The following SCHIP1 variants were observed in gnomAD, a reference collection of about 807,000 sequenced individuals.
SCHIP1 encodes schwannomin-interacting protein 1.
SCHIP1 carries 8 observed loss-of-function variants against 29.7 expected under a neutral mutation model. The observed-to-expected ratio is 0.27, with a 90% CI of 0.16 to 0.49. The LOEUF (loss-of-function observed/expected upper bound fraction) is 0.49. Among genes scored for constraint, SCHIP1 ranks in the 20% least tolerant of loss-of-function variants. SCHIP1 has a pLI of 0.99. For synonymous variants in SCHIP1, 76 were observed against 94.9 expected, an observed-to-expected ratio of 0.80 and a Z score of 1.16; for missense variants, 193 against 294.6, an observed-to-expected ratio of 0.66 and a Z score of 2.52.
At chr3:159,752,187 C>T in the SCHIP1 span, among the ~76,000 whole-genome samples, 1 of 152,082 alleles carries the variant, frequency 6.6e-6, no homozygotes, top group Non-Finnish European at 1.5e-5. Context: ...GCCAAATAAA[C>T]CTCTTTTCTT....
the SCHIP1 span, among the ~76,000 whole-genome samples, chr3:159,379,626 G>A: frequency 6.9e-6 from 1 of 144,850 alleles, no homozygotes; most frequent in African/African-American, 2.6e-5. Flanking sequence ...ACCCCTATTA[G>A]TGTGCAACAC....
chr3:159,408,295 C>G, the SCHIP1 span, among the ~76,000 whole-genome samples: 1 of 151,000 alleles, frequency 6.6e-6, no homozygotes, highest in African/African-American at 2.4e-5. Context: ...AAGACTCTAT[C>G]TCAAAATAAT....
chr3:159,430,693 A>C, the SCHIP1 span, among the ~76,000 whole-genome samples: 1 of 152,176 alleles, frequency 6.6e-6, no homozygotes, highest in Non-Finnish European at 1.5e-5. Flanking sequence ...AAATGACTAA[A>C]GAAAAATAAA....
chr3:159,544,515 T>G, the SCHIP1 span, among the ~76,000 whole-genome samples: 1 of 152,134 alleles, frequency 6.6e-6, no homozygotes, highest in East Asian at 1.9e-4. Flanking sequence ...TGTTGCTTAA[T>G]ATCATTGTAC....
the SCHIP1 span, among the ~76,000 whole-genome samples, chr3:159,791,568 CTA>C: frequency 6.6e-6 from 1 of 152,172 alleles, no homozygotes; most frequent in African/African-American, 2.4e-5. Context: ...GAGGGGTGTC[CTA>C]CAGGAGTTGG....
At chr3:159,441,354 C>T in the SCHIP1 span, among the ~76,000 whole-genome samples, 7 of 152,108 alleles carry the variant, frequency 4.6e-5, no homozygotes, top group South Asian at 6.2e-4. Flanking sequence ...TGAATACTGT[C>T]TTCAGACTCT....
At chr3:159,758,572 A>C in the SCHIP1 span, among the ~76,000 whole-genome samples, 2 of 152,238 alleles carry the variant, frequency 1.3e-5, no homozygotes, top group African/African-American at 4.8e-5. Flanking sequence ...ATCTAATCTG[A>C]GGAATGACTT....
At chr3:159,506,803 T>G in the SCHIP1 span, among the ~76,000 whole-genome samples, 1 of 152,172 alleles carries the variant, frequency 6.6e-6, no homozygotes, top group Non-Finnish European at 1.5e-5. Flanking sequence ...TTCTGAGGGT[T>G]CTGTTCTGTT....
the SCHIP1 span, among the ~76,000 whole-genome samples, chr3:159,357,947 CT>C: frequency 3.3e-5 from 5 of 152,204 alleles, no homozygotes; most frequent in African/African-American, 1.2e-4. Flanking sequence ...TAAAGAACAG[CT>C]GATTCTGCCC....
At chr3:159,355,027 G>A in the SCHIP1 span, among the ~76,000 whole-genome samples, 92 of 152,190 alleles carry the variant, frequency 6.0e-4, no homozygotes, top group African/African-American at 2.2e-3. Context: ...ATTTATTGAC[G>A]AAGCATTTTC....
the SCHIP1 span, among the ~76,000 whole-genome samples, chr3:159,408,530 T>A: frequency 2.0e-5 from 3 of 152,100 alleles, no homozygotes; most frequent in African/African-American, 7.2e-5. Context: ...CCTTAGAGGC[T>A]ACTATAATCA....
At chr3:159,687,448 C>A in the SCHIP1 span, among the ~76,000 whole-genome samples, 1 of 152,090 alleles carries the variant, frequency 6.6e-6, no homozygotes, top group African/African-American at 2.4e-5. Flanking sequence ...AAACTCTATG[C>A]TCTGAGACCT....
chr3:159,446,959 A>G, the SCHIP1 span, among the ~76,000 whole-genome samples: 2 of 152,192 alleles, frequency 1.3e-5, no homozygotes, highest in Non-Finnish European at 2.9e-5. Context: ...TTGCAATACA[A>G]CTTATACATG....
the SCHIP1 span, among the ~76,000 whole-genome samples, chr3:159,495,747 G>GA: frequency 6.6e-6 from 1 of 152,086 alleles, no homozygotes; most frequent in African/African-American, 2.4e-5. Context: ...CACAGAATTG[G>GA]AAAAAACTAC....
the SCHIP1 span, among the ~76,000 whole-genome samples, chr3:159,286,433 A>G: frequency 1.3e-5 from 2 of 152,178 alleles, no homozygotes; most frequent in Non-Finnish European, 2.9e-5. Context: ...TTAGTATTCC[A>G]TGGTGTATAT....
At chr3:159,689,715 T>C in the SCHIP1 span, among the ~76,000 whole-genome samples, 2 of 152,218 alleles carry the variant, frequency 1.3e-5, no homozygotes, top group Non-Finnish European at 2.9e-5. Context: ...GCCCATTCAG[T>C]ATGATATTGG....
the SCHIP1 span, among the ~76,000 whole-genome samples, chr3:159,613,812 T>C: frequency 2.6e-4 from 39 of 152,338 alleles, no homozygotes; most frequent in African/African-American, 8.7e-4. Flanking sequence ...TTTTTGCTCA[T>C]TTATCTATGT....
At chr3:159,467,968 T>C in the SCHIP1 span, among the ~76,000 whole-genome samples, 8 of 152,300 alleles carry the variant, frequency 5.3e-5, no homozygotes, top group Admixed American at 2.0e-4. Context: ...ATGGGTTGTC[T>C]TGTTTTCACA....
the SCHIP1 span, among the ~76,000 whole-genome samples, chr3:159,537,763 A>T: frequency 1.3e-5 from 2 of 152,170 alleles, no homozygotes; most frequent in Non-Finnish European, 2.9e-5. Context: ...TACATTTGTT[A>T]AAAAGTATTT....
Sources: gnomAD v4.1 joint callset for allele counts (sites outside exome capture counted in the v4.1 genomes callset) on GRCh38, gnomAD v4.1.1 for gene constraint, MANE v1.5 for transcripts, NCBI Gene and HGNC (gene_info 2026-07-23, HGNC 2026-07-21) for gene names.